Variants in RPS6KL1 observed in about 807,000 individuals in gnomAD.
The protein encoded by RPS6KL1 is ribosomal protein S6 kinase like 1, also known as ribosomal protein S6 kinase-like 1.
A neutral mutation model predicts 57.0 loss-of-function variants in RPS6KL1; 41 were observed. That is an observed-to-expected ratio of 0.72 (90% CI 0.56 to 0.93). RPS6KL1 has a LOEUF of 0.93. Among genes scored for constraint, RPS6KL1 ranks in the 40% least tolerant of loss-of-function variants. RPS6KL1 has a pLI of 0.00. For missense variants in RPS6KL1, 697 were observed against 727.7 expected, an observed-to-expected ratio of 0.96 and a Z score of 0.49; for synonymous variants, 287 against 309.7, an observed-to-expected ratio of 0.93 and a Z score of 0.77.
In RPS6KL1 at chr14:74,919,828, G is replaced by GGC. The variant is rs748985566; in HGVS notation, c.390+16_390+17insGC. 3.4e-5 allele frequency: 50 copies of GGC among 1,491,476 alleles called. 1 individual carries two copies. The highest frequency in any genetic ancestry group is 4.1e-4 in the Middle Eastern group (2 of 4,900). The allele number at this position is 1,491,476 out of a possible 1,614,324, so 92.4% of individuals were successfully genotyped here. ...CCTCCTCCCGCTCAGGCCTTTGGGT[G>GGC]GGGGGGGTCTCCTCACCGCGCTGGG... On this transcript the variant is annotated intron_variant, in intron 4 of 11. Coordinates refer to ENST00000557413, the MANE Select transcript of RPS6KL1 (RefSeq NM_031464.5).
Position 74,909,460 on chromosome 14 carries a change from G to A in RPS6KL1, c.1270+83C>T, listed in dbSNP as rs1361332977. 5.4e-6 allele frequency: 8 copies of A among 1,493,424 alleles called. No homozygotes were observed. In the East Asian group the frequency reaches 1.6e-4, roughly 30 times the overall value. 92.5% of individuals were successfully genotyped at this position (1,493,424 alleles called of 1,614,324 possible). A position where few individuals can be genotyped will look rare whatever the true frequency, so the allele number is the denominator to read the frequency against. The stretch of plus-strand genomic sequence containing the variant: ...CCAGGGAGGAGCAGACAACCTTGGA[G>A]GTCCCCTCGACTTTGGGGATCTCTC... On this transcript the variant is annotated intron_variant, in intron 8 of 11. Coordinates refer to ENST00000557413, the MANE Select transcript of RPS6KL1 (RefSeq NM_031464.5).
intron 5 of RPS6KL1, 97 bp from the exon 6 acceptor site, chr14:74,911,938 G>A: frequency 2.0e-6 from 2 of 1,016,544 alleles, no homozygotes; most frequent in South Asian, 2.8e-5. Context: ...CACTGAGGCT[G>A]ACTCACTCCA....
rs1885332585 is a variant in RPS6KL1, at chr14:74,908,668, A to ATGTC, written c.1443+181_1443+182insGACA. Among the ~76,000 whole-genome samples, 3 of 152,298 alleles carry ATGTC rather than the reference A, an allele frequency of 2.0e-5. No homozygotes were observed. The South Asian group carries it at 6.2e-4, about 32-fold the overall frequency. On this transcript the variant is annotated intron_variant, in intron 10 of 11. Coordinates refer to ENST00000557413, the MANE Select transcript of RPS6KL1 (RefSeq NM_031464.5). ...TCTACTCGTATTCATAGAAGTTGAC[A>ATGTC]GTCTCCTTAGCTATAGCCAACTAAT...
chr14:74,920,103 C>A, intron 3 of RPS6KL1, 134 bp from the exon 4 acceptor site: 1 of 1,176,918 alleles, frequency 8.5e-7, no homozygotes, highest in Non-Finnish European at 1.2e-6. Context: ...GATTCTGCCC[C>A]CAGATTGCTT....
chr14:74,909,072 A>G lies in RPS6KL1; in HGVS notation c.1360+29T>C, dbSNP rs1466110540. The G allele has an allele frequency of 1.9e-6, 3 of 1,609,750 alleles. No individual in the cohort carries two copies. The South Asian group carries it at 3.3e-5, about 18-fold the overall frequency. The stretch of plus-strand genomic sequence containing the variant: ...CCCACACAAAGGCACCCAGGTGCTA[A>G]GGCCCACCCTGGCCTCCCCCCTTCT... On this transcript the variant is annotated intron_variant, in intron 9 of 11. Coordinates refer to ENST00000557413, the MANE Select transcript of RPS6KL1 (RefSeq NM_031464.5).
At chr14:74,909,018 GCT>G (rs1885410209) in intron 9 of RPS6KL1, 81 bp downstream of exon 9, 1 of 1,569,024 alleles carries the variant, frequency 6.4e-7, no homozygotes, top group Non-Finnish European at 8.8e-7. Context: ...CCACCCACCC[GCT>G]CTGTCATTCT....
intron 3 of RPS6KL1, among the ~76,000 whole-genome samples, 171 bp from the exon 4 acceptor site, chr14:74,920,140 G>C (rs538650441): frequency 1.3e-5 from 2 of 152,282 alleles, no homozygotes; most frequent in Admixed American, 1.3e-4. Context: ...GGGGTGGGGG[G>C]CCAGCCAGGA....
intron 1 of RPS6KL1, among the ~76,000 whole-genome samples, chr14:74,922,858 C>T (rs917096514): frequency 3.9e-5 from 6 of 152,232 alleles, no homozygotes; most frequent in Middle Eastern, 3.2e-3. Context: ...GACCCACAGC[C>T]TCAGCCGGCG....
chr14:74,907,676 A>T, intron 10 of RPS6KL1, 146 bp from the exon 11 acceptor site: 1 of 744,138 alleles, frequency 1.3e-6, no homozygotes, highest in Non-Finnish European at 2.1e-6. Flanking sequence ...ACAGTGCCTG[A>T]TGGCTAAGCA....
chr14:74,922,980 C>T (rs1225196478), intron 1 of RPS6KL1, among the ~76,000 whole-genome samples, 200 bp downstream of exon 1: 1 of 152,150 alleles, frequency 6.6e-6, no homozygotes, highest in Admixed American at 6.5e-5. Context: ...CTGGGGGGTG[C>T]CCGGGTAGGA....
Position 74,909,533 on chromosome 14 carries a change from G to A in RPS6KL1, c.1270+10C>T, listed in dbSNP as rs1885536195. ...GGGCCACCCCACTGAGGGGTGAGGAGGGCACCTACCTGCCTGGTCCAGGAG... is the reference window on the plus strand; with the variant it reads ...GGGCCACCCCACTGAGGGGTGAGGAAGGCACCTACCTGCCTGGTCCAGGAG... On this transcript the variant is annotated intron_variant, in intron 8 of 11. Transcript: ENST00000557413. 1.3e-6 allele frequency: 2 copies of A among 1,581,624 alleles called. No homozygotes were observed. Among genetic ancestry groups the A allele is most frequent in the Admixed American group, 3.5e-5 (2 of 57,890 alleles).
chr14:74,922,100 G>A lies in RPS6KL1; in HGVS notation c.-143C>T, dbSNP rs7158047. ...GCCTGGGGCTCTGTTTTCCTTTCCA[G>A]TCAAATTCAGTTCAGCAAACATTTC... On this transcript the variant is annotated 5_prime_UTR_variant, in exon 2 of 12. Transcript: ENST00000557413. 0.59 allele frequency: 487,995 copies of A among 821,004 alleles called. 145,851 individuals are homozygous for A. Among genetic ancestry groups the A allele is most frequent in the East Asian group, 0.77 (6,441 of 8,380 alleles). 50.9% of individuals were successfully genotyped at this position (821,004 alleles called of 1,614,324 possible).
intron 3 of RPS6KL1, 144 bp from the exon 4 acceptor site, chr14:74,920,113 T>A: frequency 9.4e-7 from 1 of 1,062,446 alleles, no homozygotes; most frequent in Non-Finnish European, 1.4e-6. Context: ...CCAGATTGCT[T>A]CATGAGCCCC....
chr14:74,917,041 G>C (rs1489520242), intron 5 of RPS6KL1, among the ~76,000 whole-genome samples: 1 of 152,212 alleles, frequency 6.6e-6, no homozygotes, highest in Non-Finnish European at 1.5e-5. Context: ...CAGTGGGGAG[G>C]GGACCGTGGC....
Position 74,909,732 on chromosome 14 carries a change from G to C in RPS6KL1, c.1081C>G (p.Arg361Gly), listed in dbSNP as rs772553902. Reference sequence around the variant, plus strand: ...GACAGGCAGCTCTGATCCATGCCTCGGCCACAGCCCCCTAGCACCGGGCCG... The same window carrying C: ...GACAGGCAGCTCTGATCCATGCCTCCGCCACAGCCCCCTAGCACCGGGCCG... ...GAGPVLGGCG[R>G]GMDQSCLSAD... The change falls in exon 8 of 12, where the codon CGA becomes GGA. Residue 361 changes from arginine to glycine, a missense_variant. Arg to Gly is a moderately radical substitution (Grantham distance 125). Coordinates refer to ENST00000557413, the MANE Select transcript of RPS6KL1 (RefSeq NM_031464.5). 1.2e-6 allele frequency: 2 copies of C among 1,607,950 alleles called. No homozygotes were observed. The highest frequency in any genetic ancestry group is 1.1e-5 in the South Asian group (1 of 91,046).
In RPS6KL1 at chr14:74,906,970, C is replaced by T. The variant is rs772081212; in HGVS notation, c.*44G>A. ...TTGGGTGTCAGGCAAGGAGGAGAGG[C>T]GATCCAGACCAGGCCAGCTGCTTCC... On this transcript the variant is annotated 3_prime_UTR_variant, in exon 12 of 12. Transcript: ENST00000557413. 27 of 1,449,172 alleles carry T rather than the reference C, an allele frequency of 1.9e-5. No individual in the cohort carries two copies. Among genetic ancestry groups the T allele is most frequent in the African/African-American group, 7.0e-5 (5 of 71,710 alleles). 89.8% of individuals were successfully genotyped at this position (1,449,172 alleles called of 1,614,324 possible).
intron 11 of RPS6KL1, 43 bp downstream of exon 11, chr14:74,907,392 C>T (rs1406676882): frequency 5.2e-6 from 8 of 1,543,780 alleles, no homozygotes; most frequent in South Asian, 1.2e-5. Context: ...CAGCACCTTC[C>T]TCAGGCTAGG....
chr14:74,909,248 G>A (rs1885465931), intron 8 of RPS6KL1, 58 bp from the exon 9 acceptor site: 2 of 1,510,658 alleles, frequency 1.3e-6, no homozygotes, highest in East Asian at 2.3e-5. Flanking sequence ...ATACAGGGGA[G>A]GGGGTTGCAG....
At chr14:74,923,026 G>C (rs989165775) in intron 1 of RPS6KL1, among the ~76,000 whole-genome samples, 154 bp downstream of exon 1, 25 of 152,312 alleles carry the variant, frequency 1.6e-4, no homozygotes, top group African/African-American at 4.1e-4. Context: ...GCAGGGTCCT[G>C]CCGGGCAGAG....
Sources: allele counts gnomAD v4.1 joint callset (sites outside exome capture counted in the v4.1 genomes callset), GRCh38; gene constraint gnomAD v4.1.1; transcripts MANE v1.5; gene names NCBI Gene and HGNC (gene_info 2026-07-23, HGNC 2026-07-21).